TMEM51: variants seen among roughly 807,000 people sequenced by gnomAD.
TMEM51 encodes the protein chromosome 1 open reading frame 72.
TMEM51 carries 8 observed loss-of-function variants against 13.6 expected under a neutral mutation model. The observed-to-expected ratio is 0.59, with a 90% CI of 0.35 to 1.07. The LOEUF (loss-of-function observed/expected upper bound fraction) is 1.07, where lower values mean the gene tolerates loss of function less well. Ranked by LOEUF, TMEM51 falls within the 50% of genes least tolerant of loss-of-function variation. TMEM51 has a pLI of 0.02. For synonymous variants in TMEM51, 147 were observed against 144.4 expected, an observed-to-expected ratio of 1.02 and a Z score of -0.13; for missense variants, 279 against 330.7, an observed-to-expected ratio of 0.84 and a Z score of 1.21.
At chr1:15,200,284 A>G (rs980892785) in intron 1 of TMEM51, among the ~76,000 whole-genome samples, 1 of 151,874 alleles carries the variant, frequency 6.6e-6, no homozygotes, top group Non-Finnish European at 1.5e-5. Flanking sequence ...GCATGCACCT[A>G]TAGTCCCCAG....
chr1:15,218,970 C>G (rs1427978483), intron 3 of TMEM51, among the ~76,000 whole-genome samples: 1 of 152,182 alleles, frequency 6.6e-6, no homozygotes, highest in Non-Finnish European at 1.5e-5. Context: ...AAGCAGTGCC[C>G]TTCAATAAAG....
intron 1 of TMEM51, among the ~76,000 whole-genome samples, chr1:15,181,008 G>T (rs1643598384): frequency 6.6e-6 from 1 of 152,178 alleles, no homozygotes; most frequent in Non-Finnish European, 1.5e-5. Flanking sequence ...AGACTGGACG[G>T]AGAATCCATC....
At chr1:15,208,401 T>C (rs1305353062) in intron 1 of TMEM51, among the ~76,000 whole-genome samples, 1 of 152,014 alleles carries the variant, frequency 6.6e-6, no homozygotes, top group African/African-American at 2.4e-5. Flanking sequence ...AGCAGGAGGA[T>C]CGCTTGAGGC....
intron 1 of TMEM51, among the ~76,000 whole-genome samples, chr1:15,206,137 G>A (rs527557902): frequency 4.0e-5 from 6 of 151,678 alleles, no homozygotes; most frequent in East Asian, 1.9e-4. Context: ...CTCGGGGGCC[G>A]AGGTGGGAGG....
At position 15,219,516 on chromosome 1, in the gene TMEM51, G is replaced by T; in HGVS notation, c.535G>T (p.Val179Leu). The T allele has an allele frequency of 6.2e-7, 1 of 1,614,050 alleles. No individual in the cohort carries two copies. Among genetic ancestry groups the T allele is most frequent in the Non-Finnish European group, 8.5e-7 (1 of 1,180,018 alleles). ...ETTPTSTRADVEASPGNPPDR... is the reference protein window; with the variant it reads ...ETTPTSTRADLEASPGNPPDR... ...CACCCCCACATCCACCAGGGCTGACGTGGAGGCCAGCCCTGGGAACCCCCC... is the reference window on the plus strand; with the variant it reads ...CACCCCCACATCCACCAGGGCTGACTTGGAGGCCAGCCCTGGGAACCCCCC... Residue 179 changes from valine (V) to leucine (L), a missense_variant, in exon 4 of 4, where the codon GTG becomes TTG. By Grantham distance (32) the Val-to-Leu change is conservative (BLOSUM62 1). Coordinates refer to ENST00000376008, the MANE Select transcript of TMEM51 (RefSeq NM_001136218.2).
intron 1 of TMEM51, among the ~76,000 whole-genome samples, chr1:15,175,984 AC>A (rs1273212343): frequency 6.6e-6 from 1 of 152,098 alleles, no homozygotes; most frequent in African/African-American, 2.4e-5. Context: ...TTTCTTGATC[AC>A]TCTGTCAAAA....
chr1:15,173,275 A>G (rs1261904147), intron 1 of TMEM51, among the ~76,000 whole-genome samples: 1 of 136,314 alleles, frequency 7.3e-6, no homozygotes, highest in East Asian at 2.1e-4. Context: ...GCTAGAGTGC[A>G]GTGGCGCAAT....
rs1193055814 is a variant in TMEM51, at chr1:15,215,222, T to A, written c.135T>A (p.Ala45=). ...PGFSAAEKPT[A]QGSNKTEVGG... ...TCAGCGCGGCCGAGAAGCCAACAGC[T>A]CAGGGCAGCAACAAGACCGAGGTGG... is the stretch of plus-strand genomic sequence containing the variant. Residue 45 remains alanine, a synonymous_variant, in exon 3 of 4, where the codon GCT becomes GCA. Transcript: ENST00000376008. The A allele has an allele frequency of 6.2e-7, 1 of 1,614,066 alleles. No homozygotes were observed.
intron 1 of TMEM51, among the ~76,000 whole-genome samples, chr1:15,185,835 T>A (rs568876477): frequency 2.6e-5 from 4 of 152,346 alleles, no homozygotes; most frequent in Admixed American, 1.3e-4. Context: ...AGTTTTGAGT[T>A]CAGGCTCATA....
In TMEM51 at chr1:15,216,548, A is replaced by G. The variant is rs75785141; in HGVS notation, c.344+1117A>G. 1.1e-3 allele frequency among the ~76,000 whole-genome samples: 170 copies of G among 152,294 alleles called. 2 individuals are homozygous for G. The East Asian group carries it at 0.028, about 25-fold the overall frequency. ...GATTGCTGATGAAATGTTGACTGATAGAAACTTTCTTAAGAGTTTCACCAT... is the reference window on the plus strand; with the variant it reads ...GATTGCTGATGAAATGTTGACTGATGGAAACTTTCTTAAGAGTTTCACCAT... On this transcript the variant is annotated intron_variant, in intron 3 of 3. Transcript: ENST00000376008.
intron 1 of TMEM51, among the ~76,000 whole-genome samples, chr1:15,170,466 G>C (rs1304038947): frequency 2.0e-5 from 3 of 150,456 alleles, no homozygotes; most frequent in African/African-American, 4.9e-5. Context: ...GCACCACCAC[G>C]CCCGGCTAAT....
intron 3 of TMEM51, among the ~76,000 whole-genome samples, chr1:15,218,734 A>T (rs1644465474): frequency 6.6e-6 from 1 of 152,120 alleles, no homozygotes; most frequent in East Asian, 1.9e-4. Context: ...CAGTGCCATG[A>T]CAGTTTACAA....
At chr1:15,189,212 C>G (rs867408936) in intron 1 of TMEM51, among the ~76,000 whole-genome samples, 3 of 88,674 alleles carry the variant, frequency 3.4e-5, no homozygotes, top group African/African-American at 1.2e-4. Context: ...GCTAATTTTT[C>G]CTTTTTTTTT....
rs1387181320 is a variant in TMEM51 at position 15,153,774 on chromosome 1, G to C, written c.-447G>C. The C allele has an allele frequency of 1.3e-5, 2 of 151,996 alleles. No individual in the cohort carries two copies. Among genetic ancestry groups the C allele is most frequent in the South Asian group, 2.1e-4 (1 of 4,830 alleles). The allele number at this position is 151,996 out of a possible 1,614,324, so 9.4% of individuals were successfully genotyped here. ...GCCGCGCTTCCTGCGTCCCCAACCC[G>C]GTCCCTGAGAGGGCAGTGCGCCCTC... On this transcript the variant is annotated 5_prime_UTR_variant, in exon 1 of 4. Coordinates refer to ENST00000376008, the MANE Select transcript of TMEM51 (RefSeq NM_001136218.2).
chr1:15,217,342 C>T (rs1159846945), intron 3 of TMEM51, among the ~76,000 whole-genome samples: 1 of 152,200 alleles, frequency 6.6e-6, no homozygotes, highest in Non-Finnish European at 1.5e-5. Context: ...TAACCCACTT[C>T]TTACTTTTGC....
At chr1:15,185,664 A>G (rs1643751620) in intron 1 of TMEM51, among the ~76,000 whole-genome samples, 1 of 152,250 alleles carries the variant, frequency 6.6e-6, no homozygotes, top group Non-Finnish European at 1.5e-5. Flanking sequence ...TTGTACTTCC[A>G]GAGTGCTGTG....
At chr1:15,166,870 C>G (rs992630237) in intron 1 of TMEM51, among the ~76,000 whole-genome samples, 1 of 152,170 alleles carries the variant, frequency 6.6e-6, no homozygotes, top group Non-Finnish European at 1.5e-5. Flanking sequence ...CCATCACCCC[C>G]CAAAATACTC....
chr1:15,219,511 C>G lies in TMEM51; in HGVS notation c.530C>G (p.Ala177Gly). The change falls in exon 4 of 4, where the codon GCT (alanine) becomes GGT (glycine). Residue 177 changes from alanine (A) to glycine (G), a missense_variant. By Grantham distance (60) the Ala-to-Gly change is moderately conservative. Coordinates refer to ENST00000376008, the MANE Select transcript of TMEM51 (RefSeq NM_001136218.2). ...GAGACCACCCCCACATCCACCAGGGCTGACGTGGAGGCCAGCCCTGGGAAC... is the reference window on the plus strand; with the variant it reads ...GAGACCACCCCCACATCCACCAGGGGTGACGTGGAGGCCAGCCCTGGGAAC... Reference protein sequence around the residue: ...LDETTPTSTRADVEASPGNPP... With the variant: ...LDETTPTSTRGDVEASPGNPP... 6.2e-7 allele frequency: 1 copy of G among 1,614,122 alleles called. No individual in the cohort carries two copies. The highest frequency in any genetic ancestry group is 1.1e-5 in the South Asian group (1 of 91,088).
intron 3 of TMEM51, among the ~76,000 whole-genome samples, chr1:15,216,814 A>G (rs979229877): frequency 1.3e-5 from 2 of 152,204 alleles, no homozygotes; most frequent in African/African-American, 4.8e-5. Flanking sequence ...ATCCACAACA[A>G]TGAGAAAAGG....
Sources: gnomAD v4.1 joint callset for allele counts (sites outside exome capture counted in the v4.1 genomes callset) on GRCh38, gnomAD v4.1.1 for gene constraint, MANE v1.5 for transcripts, NCBI Gene and HGNC (gene_info 2026-07-23, HGNC 2026-07-21) for gene names.